Variants in HLA-DPB1 observed in about 807,000 individuals in gnomAD.
HLA-DPB1 encodes the protein major histocompatibility complex, class II, DP beta 1.
Under a neutral mutation model 29.4 loss-of-function variants are expected in HLA-DPB1, and 30 were observed. The ratio of observed to expected loss-of-function variants is 1.02; its 90% CI spans 0.76 to 1.38. The LOEUF is 1.38. HLA-DPB1 is among the 40% of genes most tolerant of loss of function. HLA-DPB1 has a pLI of 0.00. For missense variants in HLA-DPB1, 261 were observed against 327.5 expected (o/e 0.80, Z 1.57); for synonymous variants, 114 against 134.0 (o/e 0.85, Z 1.03).
intron 3 of HLA-DPB1, 60 bp from the exon 4 acceptor site, chr6:33,085,719 G>A: frequency 9.0e-7 from 1 of 1,107,286 alleles, no homozygotes; most frequent in Admixed American, 1.7e-5. Context: ...ATCTCAGACA[G>A]GACATGAGTA....
Position 33,087,887 on chromosome 6 carries a change from ATCT to A in HLA-DPB1, c.*1358_*1360del, listed in dbSNP as rs72548081. Among the ~76,000 whole-genome samples, 24,660 of 152,072 alleles carry A rather than the reference ATCT, an allele frequency of 0.16. 1,982 individuals carry two copies. The highest frequency in any genetic ancestry group is 0.18 in the Non-Finnish European group (12,204 of 67,950). ...AGGACAACCAATCATGTTTCTCATA[ATCT>A]TCTTAACCTAGGGAATAGGACACAA... On this transcript the variant is annotated 3_prime_UTR_variant, in exon 6 of 6. Transcript: ENST00000418931.
chr6:33,082,252 A>T (rs1762901900), intron 2 of HLA-DPB1: 1 of 152,252 alleles, frequency 6.6e-6, no homozygotes, highest in South Asian at 2.1e-4. Flanking sequence ...GGCACCAATC[A>T]GTGACATGGC....
At chr6:33,084,302 T>C (rs940858551) in intron 2 of HLA-DPB1, among the ~76,000 whole-genome samples, 3 of 152,254 alleles carry the variant, frequency 2.0e-5, no homozygotes, top group Non-Finnish European at 2.9e-5. Flanking sequence ...CTAAATGTGC[T>C]ACAGAGTGCA....
Position 33,084,978 on chromosome 6 carries a change from CAAG to C in HLA-DPB1, c.397_399del (p.Lys133del). ...AGCCTAGGGTGAATGTTTCCCCCTC[CAAG>C]AAGGGGCCCTTGCAGCACCACAACC... On this transcript the variant is annotated inframe_deletion, in exon 3 of 6. Transcript: ENST00000418931. 6.2e-7 allele frequency: 1 copy of C among 1,600,064 alleles called. No homozygotes were observed. The highest frequency in any genetic ancestry group is 8.6e-7 in the Non-Finnish European group (1 of 1,168,858).
intron 2 of HLA-DPB1, among the ~76,000 whole-genome samples, chr6:33,082,693 GC>G (rs1762927755): frequency 6.6e-6 from 1 of 152,118 alleles, no homozygotes; most frequent in Non-Finnish European, 1.5e-5. Context: ...AAACACAGAG[GC>G]AAGGGAGAGG....
At chr6:33,083,539 G>A (rs9277400) in intron 2 of HLA-DPB1, 57,629 of 152,396 alleles carry the variant, frequency 0.38, 12,292 homozygotes, top group East Asian at 0.63. Context: ...CACCATCATG[G>A]CTCACTGCAG....
Position 33,088,718 on chromosome 6 carries a change from G to A in HLA-DPB1, c.*2184G>A, listed in dbSNP as rs1763225399. Among the ~76,000 whole-genome samples, 1 of 152,160 alleles carries A rather than the reference G, an allele frequency of 6.6e-6. No individual in the cohort carries two copies. The highest frequency in any genetic ancestry group is 6.5e-5 in the Admixed American group (1 of 15,276). On this transcript the variant is annotated 3_prime_UTR_variant, in exon 6 of 6. Transcript: ENST00000418931. ...AGTGCTATGTGCAGCAGGATCAAAG[G>A]CAGCCAGGAGGTAGAGGAGTCTTGA...
Position 33,086,741 on chromosome 6 carries a change from T to C in HLA-DPB1, c.*207T>C. ...TGGGCCTCCAACCATGTTCCCTTCT[T>C]CTTAGCACCACAAATAATCAAAACC... On this transcript the variant is annotated 3_prime_UTR_variant, in exon 6 of 6. Transcript: ENST00000418931. The C allele has an allele frequency of 2.6e-6, 1 of 381,542 alleles. No individual in the cohort carries two copies. The highest frequency in any genetic ancestry group is 2.1e-5 in the South Asian group (1 of 46,792). 23.6% of individuals were successfully genotyped at this position (381,542 alleles called of 1,614,324 possible).
chr6:33,080,601 T>C lies in HLA-DPB1; in HGVS notation c.101-71T>C, dbSNP rs1762785330. The C allele has an allele frequency of 1.6e-5, 25 of 1,596,232 alleles. No individual in the cohort carries two copies. In the South Asian group the frequency reaches 1.8e-4, roughly 11 times the overall value. On this transcript the variant is annotated intron_variant, in intron 1 of 5. Coordinates refer to ENST00000418931, the MANE Select transcript of HLA-DPB1 (RefSeq NM_002121.6). This position sits in a 1 kb window ranked among gnomAD's most constrained non-coding sequence, Gnocchi z 4.3. Reference sequence around the variant, plus strand: ...GAAGATTTGGGAAGAATCGTTAATATTGAGAGAGAGAGGGAGAAAGAGGAT... The same window carrying C: ...GAAGATTTGGGAAGAATCGTTAATACTGAGAGAGAGAGGGAGAAAGAGGAT...
At chr6:33,083,052 G>C (rs9277392) in intron 2 of HLA-DPB1, among the ~76,000 whole-genome samples, 57,864 of 152,092 alleles carry the variant, frequency 0.38, 12,438 homozygotes, top group East Asian at 0.64. Flanking sequence ...AGAAATTGTA[G>C]GTAATTCACA....
chr6:33,076,556 A>C (rs1326336768), intron 1 of HLA-DPB1, among the ~76,000 whole-genome samples: 2 of 152,164 alleles, frequency 1.3e-5, no homozygotes, highest in East Asian at 3.8e-4. Context: ...ATCACTGAGG[A>C]TTCAGTGCTC....
Position 33,078,887 on chromosome 6 carries a change from G to C in HLA-DPB1, c.101-1785G>C, listed in dbSNP as rs541483212. Among the ~76,000 whole-genome samples the C allele has an allele frequency of 1.9e-3, 282 of 152,358 alleles. 4 individuals are homozygous for C. The highest frequency in any genetic ancestry group is 2.5e-3 in the Non-Finnish European group (170 of 68,038). On this transcript the variant is annotated intron_variant, in intron 1 of 5. Coordinates refer to ENST00000418931, the MANE Select transcript of HLA-DPB1 (RefSeq NM_002121.6). ...AATCCACACTCAGAGTGGGGCAATT[G>C]AACAGGCAGGGGCGGATGGATGGCA... is the stretch of plus-strand genomic sequence containing the variant.
chr6:33,086,797 A>G lies in HLA-DPB1; in HGVS notation c.*263A>G, dbSNP rs1292787166. ...TGACTGTTTGTTTTCCTTTAAAAAT[A>G]TGCACCAAATCATCTCTCATCACTT... On this transcript the variant is annotated 3_prime_UTR_variant, in exon 6 of 6. Transcript: ENST00000418931. The G allele has an allele frequency of 5.9e-6, 2 of 339,718 alleles. No individual in the cohort carries two copies. Among genetic ancestry groups the G allele is most frequent in the Admixed American group, 4.1e-5 (1 of 24,278 alleles). The allele number at this position is 339,718 out of a possible 1,614,324, so 21.0% of individuals were successfully genotyped here.
At position 33,080,514 on chromosome 6, in the gene HLA-DPB1, C is replaced by G; in HGVS notation, c.101-158C>G. On this transcript the variant is annotated intron_variant, in intron 1 of 5. Coordinates refer to ENST00000418931, the MANE Select transcript of HLA-DPB1 (RefSeq NM_002121.6). The surrounding 1 kb of genome is among the most constrained non-coding windows in gnomAD (Gnocchi z 4.3). ...ACAGGCCTGGAGAGGCTCTGCGACC[C>G]GCTTAGGACCACAGAACTCGGTACT... 2 of 1,070,706 alleles carry G rather than the reference C, an allele frequency of 1.9e-6. No homozygotes were observed. Among genetic ancestry groups the G allele is most frequent in the Non-Finnish European group, 2.8e-6 (2 of 709,828 alleles). 66.3% of individuals were successfully genotyped at this position (1,070,706 alleles called of 1,614,324 possible). A position where few individuals can be genotyped will look rare whatever the true frequency, so the allele number is the denominator to read the frequency against.
intron 1 of HLA-DPB1, among the ~76,000 whole-genome samples, chr6:33,078,271 G>A (rs1322151646): frequency 2.0e-5 from 3 of 152,148 alleles, no homozygotes; most frequent in East Asian, 1.9e-4. Context: ...TAGATTACTG[G>A]AGCTCCCTGC....
rs774482481 is a variant in HLA-DPB1 at position 33,084,943 on chromosome 6, C to A, written c.365-7C>A. 6.5e-7 allele frequency: 1 copy of A among 1,532,540 alleles called. No homozygotes were observed. Among genetic ancestry groups the A allele is most frequent in the Admixed American group, 1.7e-5 (1 of 58,768 alleles). 94.9% of individuals were successfully genotyped at this position (1,532,540 alleles called of 1,614,324 possible). On this transcript the variant is annotated splice_region_variant and splice_polypyrimidine_tract_variant and intron_variant, in intron 2 of 5. Transcript: ENST00000418931. ...TCTATTTCATTATTTTTCTTCCACG[C>A]TCCTAGTCCAGCCTAGGGTGAATGT...
intron 1 of HLA-DPB1, among the ~76,000 whole-genome samples, chr6:33,078,815 C>CTGG (rs2150369886): frequency 6.6e-6 from 1 of 152,172 alleles, no homozygotes; most frequent in African/African-American, 2.4e-5. Context: ...CGTTCTCTTA[C>CTGG]TGGTGATTGA....
At position 33,087,408 on chromosome 6, in the gene HLA-DPB1, C is replaced by CTTTT. The variant is rs67703005; in HGVS notation, c.*882_*885dup. ...GTAGCACTCTTTTTCAAACACTGGT[C>CTTTT]TTTTTTTTTTTCTTAACAATCCAAC... is the stretch of plus-strand genomic sequence containing the variant. On this transcript the variant is annotated 3_prime_UTR_variant, in exon 6 of 6. Transcript: ENST00000418931. Among the ~76,000 whole-genome samples the CTTTT allele has an allele frequency of 2.2e-3, 315 of 141,100 alleles. 10 individuals carry two copies. The South Asian group carries it at 0.059, about 26-fold the overall frequency. 92.6% of individuals were successfully genotyped at this position (141,100 alleles called of 152,430 possible).
At chr6:33,082,494 A>G (rs1424168100) in intron 2 of HLA-DPB1, among the ~76,000 whole-genome samples, 1 of 152,170 alleles carries the variant, frequency 6.6e-6, no homozygotes, top group Admixed American at 6.5e-5. Flanking sequence ...AGAGGTTCCC[A>G]TGTAGCCAGA....
Sources: allele counts gnomAD v4.1 joint callset (sites outside exome capture counted in the v4.1 genomes callset), GRCh38; gene constraint gnomAD v4.1.1; non-coding constraint Gnocchi (gnomAD v3.1); transcripts MANE v1.5; gene names NCBI Gene and HGNC (gene_info 2026-07-23, HGNC 2026-07-21).